GASK1B: variants seen among roughly 807,000 people sequenced by gnomAD.
The protein encoded by GASK1B is Golgi-associated kinase 1B.
Under a neutral mutation model 42.8 loss-of-function variants are expected in GASK1B, and 34 were observed. That is an observed-to-expected ratio of 0.79 (90% confidence interval 0.60 to 1.06). The LOEUF (loss-of-function observed/expected upper bound fraction) is 1.06, where lower values mean the gene tolerates loss of function less well. Ranked by LOEUF, GASK1B falls within the 50% of genes least tolerant of loss-of-function variation. The probability of loss-of-function intolerance (pLI) is 0.00; values close to 1 mark genes in which losing one functional copy is unlikely to be tolerated. For synonymous variants in GASK1B, 262 were observed against 259.1 expected, an observed-to-expected ratio of 1.01 and a Z score of -0.11; for missense variants, 686 against 661.0, an observed-to-expected ratio of 1.04 and a Z score of -0.42.
intron 2 of GASK1B, among the ~76,000 whole-genome samples, chr4:158,163,564 G>T (rs2111011787): frequency 6.8e-6 from 1 of 146,046 alleles, no homozygotes; most frequent in East Asian, 2.0e-4. Context: ...GCAAGACTCT[G>T]TCTCAGAAAA....
At chr4:158,131,109 C>T in intron 3 of GASK1B, 97 bp from the exon 4 acceptor site, 3 of 1,013,328 alleles carry the variant, frequency 3.0e-6, no homozygotes, top group South Asian at 3.2e-5. Flanking sequence ...GAATAGCTGA[C>T]TTGCCAGAAT....
intron 3 of GASK1B, among the ~76,000 whole-genome samples, chr4:158,141,040 A>C (rs1214077437): frequency 6.6e-6 from 1 of 152,178 alleles, no homozygotes; most frequent in African/African-American, 2.4e-5. Context: ...TTCCTTCTTT[A>C]ATTCAGACGG....
intron 2 of GASK1B, among the ~76,000 whole-genome samples, chr4:158,158,980 T>A (rs1394580497): frequency 6.6e-6 from 1 of 152,130 alleles, no homozygotes; most frequent in Admixed American, 6.6e-5. Flanking sequence ...TCAGTCACCA[T>A]TTCTCTATTT....
intron 2 of GASK1B, among the ~76,000 whole-genome samples, chr4:158,164,819 G>A (rs1433583100): frequency 6.6e-6 from 1 of 152,096 alleles, no homozygotes; most frequent in East Asian, 1.9e-4. Flanking sequence ...CCCCTGCCTC[G>A]GCAACTGCAC....
chr4:158,143,773 A>C (rs536792506), intron 3 of GASK1B, among the ~76,000 whole-genome samples: 2 of 152,282 alleles, frequency 1.3e-5, no homozygotes, highest in South Asian at 2.1e-4. Flanking sequence ...TCTAGACATC[A>C]AGTTTGAGAG....
intron 4 of GASK1B, among the ~76,000 whole-genome samples, chr4:158,129,658 G>GA (rs747633787): frequency 1.2e-4 from 18 of 149,360 alleles, no homozygotes; most frequent in South Asian, 4.2e-4. Flanking sequence ...AGTTATTACA[G>GA]AAAAAAAAAA....
intron 2 of GASK1B, among the ~76,000 whole-genome samples, chr4:158,161,391 T>C (rs1731997798): frequency 6.6e-6 from 1 of 152,226 alleles, no homozygotes; most frequent in Non-Finnish European, 1.5e-5. Context: ...CTTCATAGTT[T>C]GTTTTCTCTA....
intron 2 of GASK1B, among the ~76,000 whole-genome samples, chr4:158,165,251 T>C (rs1330554252): frequency 6.6e-6 from 1 of 152,222 alleles, no homozygotes; most frequent in Non-Finnish European, 1.5e-5. Flanking sequence ...AGAACGGTGC[T>C]TGGTTTTCTC....
chr4:158,160,987 A>G (rs1281522267), intron 2 of GASK1B, among the ~76,000 whole-genome samples: 1 of 152,102 alleles, frequency 6.6e-6, no homozygotes. Context: ...GTTGATCAAC[A>G]GGTACAAAGT....
chr4:158,169,407 T>A (rs1732365135), intron 2 of GASK1B: 1 of 152,206 alleles, frequency 6.6e-6, no homozygotes, highest in Non-Finnish European at 1.5e-5. Flanking sequence ...TCCAGGGGTA[T>A]CCATTTTAAA....
At chr4:158,155,561 T>G (rs763254746) in intron 3 of GASK1B, 50 bp downstream of exon 3, 98 of 1,482,244 alleles carry the variant, frequency 6.6e-5, no homozygotes, top group Non-Finnish European at 8.9e-5. Flanking sequence ...CAGGCTAATA[T>G]AACTCAGCGC....
intron 2 of GASK1B, among the ~76,000 whole-genome samples, chr4:158,160,933 T>C (rs941246573): frequency 6.6e-6 from 1 of 152,056 alleles, no homozygotes; most frequent in Non-Finnish European, 1.5e-5. Context: ...GAGAGTAGAA[T>C]GGTGGCTACC....
chr4:158,158,834 T>C (rs923366983), intron 2 of GASK1B, among the ~76,000 whole-genome samples: 1 of 152,106 alleles, frequency 6.6e-6, no homozygotes, highest in Non-Finnish European at 1.5e-5. Flanking sequence ...GCAATATCAC[T>C]AATCTTTTGA....
chr4:158,169,765 C>G (rs543487378), intron 2 of GASK1B: 2 of 160,160 alleles, frequency 1.2e-5, no homozygotes, highest in South Asian at 3.6e-4. Flanking sequence ...TTGCTGGCAA[C>G]TGCAGTAACT....
intron 2 of GASK1B, among the ~76,000 whole-genome samples, chr4:158,164,787 T>A (rs1479618209): frequency 6.6e-6 from 1 of 152,144 alleles, no homozygotes; most frequent in Non-Finnish European, 1.5e-5. Flanking sequence ...CCTGAAACAA[T>A]ATAAAATGCA....
intron 3 of GASK1B, among the ~76,000 whole-genome samples, chr4:158,155,314 T>C (rs1731715266): frequency 6.6e-6 from 1 of 152,190 alleles, no homozygotes; most frequent in African/African-American, 2.4e-5. Flanking sequence ...ATCTACATTC[T>C]GTAGAGAATC....
At chr4:158,152,649 A>G (rs1486064778) in intron 3 of GASK1B, among the ~76,000 whole-genome samples, 1 of 152,306 alleles carries the variant, frequency 6.6e-6, no homozygotes, top group African/African-American at 2.4e-5. Flanking sequence ...ATAATCCACC[A>G]TGATCAAGTG....
intron 3 of GASK1B, among the ~76,000 whole-genome samples, chr4:158,134,929 A>G (rs972140377): frequency 6.6e-6 from 1 of 152,224 alleles, no homozygotes; most frequent in African/African-American, 2.4e-5. Context: ...TATGTCTTCA[A>G]AAATGGGCCT....
intron 2 of GASK1B, chr4:158,170,241 G>C: frequency 6.2e-7 from 1 of 1,613,926 alleles, no homozygotes; most frequent in South Asian, 1.1e-5. Flanking sequence ...TACAGTATGG[G>C]CTTACTCTTG....
Sources: gnomAD v4.1 joint callset for allele counts (sites outside exome capture counted in the v4.1 genomes callset) on GRCh38, gnomAD v4.1.1 for gene constraint, MANE v1.5 for transcripts, NCBI Gene and HGNC (gene_info 2026-07-23, HGNC 2026-07-21) for gene names.